Variants in CADPS2 observed in about 807,000 individuals in gnomAD.
The protein encoded by CADPS2 is calcium-dependent secretion activator 2.
In CADPS2, 93 loss-of-function variants were observed where a neutral mutation model predicts 172.5. That is an observed-to-expected ratio of 0.54 (90% CI 0.46 to 0.64). The LOEUF is 0.64. CADPS2 is among the 30% of genes least tolerant of loss of function. The pLI is 0.00. For missense variants in CADPS2, 1,420 were observed against 1,565.9 expected, an observed-to-expected ratio of 0.91 and a Z score of 1.57; for synonymous variants, 546 against 555.2, an observed-to-expected ratio of 0.98 and a Z score of 0.23.
chr7:122,589,026 C>T (rs2070274437), intron 6 of CADPS2, among the ~76,000 whole-genome samples: 3 of 151,996 alleles, frequency 2.0e-5, no homozygotes, highest in Non-Finnish European at 4.4e-5. Flanking sequence ...TGTCTCTGCT[C>T]TTGCAGCTAT....
At chr7:122,360,117 A>C (rs2151125623) in intron 27 of CADPS2, among the ~76,000 whole-genome samples, 1 of 152,324 alleles carries the variant, frequency 6.6e-6, no homozygotes, top group Non-Finnish European at 1.5e-5. Flanking sequence ...TAAATGATTA[A>C]ACAGAACACC....
At chr7:122,455,642 T>C (rs930834121) in intron 14 of CADPS2, among the ~76,000 whole-genome samples, 1 of 152,160 alleles carries the variant, frequency 6.6e-6, no homozygotes, top group African/African-American at 2.4e-5. Flanking sequence ...CATGAATTAG[T>C]AATATGACAA....
chr7:122,842,243 C>T (rs1325978303), intron 1 of CADPS2, among the ~76,000 whole-genome samples: 2 of 152,152 alleles, frequency 1.3e-5, no homozygotes. Flanking sequence ...GGACCAAACT[C>T]GACTACAGCC....
intron 27 of CADPS2, among the ~76,000 whole-genome samples, chr7:122,350,561 A>G (rs960084269): frequency 6.6e-6 from 1 of 152,178 alleles, no homozygotes; most frequent in Non-Finnish European, 1.5e-5. Flanking sequence ...ACAGTTTGCC[A>G]AGTTTTTACA....
chr7:122,582,451 C>T (rs1445510901), intron 6 of CADPS2, among the ~76,000 whole-genome samples: 2 of 150,816 alleles, frequency 1.3e-5, no homozygotes, highest in African/African-American at 4.9e-5. Flanking sequence ...ATATCATAAG[C>T]CAGAGGGAAG....
intron 1 of CADPS2, among the ~76,000 whole-genome samples, chr7:122,782,917 G>T (rs183082773): frequency 6.6e-6 from 1 of 151,578 alleles, no homozygotes; most frequent in African/African-American, 2.4e-5. Context: ...TGACTCTATT[G>T]AATGACTCAT....
chr7:122,705,573 A>G (rs1588586623), intron 2 of CADPS2, among the ~76,000 whole-genome samples: 1 of 115,934 alleles, frequency 8.6e-6, no homozygotes, highest in East Asian at 2.2e-4. Flanking sequence ...TATATTATCT[A>G]TATTATATAT....
intron 7 of CADPS2, among the ~76,000 whole-genome samples, chr7:122,575,009 C>T (rs140199836): frequency 1.8e-3 from 272 of 152,080 alleles, no homozygotes; most frequent in African/African-American, 5.9e-3. Flanking sequence ...TAAGATGCAA[C>T]GGGAAGCACA....
Position 122,319,964 on chromosome 7 carries a change from A to C in CADPS2, c.*201T>G. 2.1e-6 allele frequency: 1 copy of C among 467,514 alleles called. No homozygotes were observed. The highest frequency in any genetic ancestry group is 3.5e-6 in the Non-Finnish European group (1 of 283,866). The allele number at this position is 467,514 out of a possible 1,614,324, so 29.0% of individuals were successfully genotyped here. A position where few individuals can be genotyped will look rare whatever the true frequency, so the allele number is the denominator to read the frequency against. Reference sequence around the variant, plus strand: ...TCTTCTCCAAAAAAACAAACAAACAAACAAACAAAAAAAGGAAACAAAAAA... The same window carrying C: ...TCTTCTCCAAAAAAACAAACAAACACACAAACAAAAAAAGGAAACAAAAAA... On this transcript the variant is annotated 3_prime_UTR_variant, in exon 30 of 30. Transcript: ENST00000449022.
At chr7:122,447,626 T>C (rs77871897) in intron 15 of CADPS2, among the ~76,000 whole-genome samples, 2,495 of 141,700 alleles carry the variant, frequency 0.018, 43 homozygotes, top group East Asian at 0.086. Flanking sequence ...CGATCTCGGC[T>C]CACTGCAGCC....
Position 122,884,918 on chromosome 7 carries a change from A to G in CADPS2, c.339+1081T>C, listed in dbSNP as rs1823913041. 2.0e-5 allele frequency among the ~76,000 whole-genome samples: 3 copies of G among 152,166 alleles called. No homozygotes were observed. The South Asian group carries it at 6.2e-4, about 32-fold the overall frequency. On this transcript the variant is annotated intron_variant, in intron 1 of 29. Coordinates refer to ENST00000449022, the MANE Select transcript of CADPS2 (RefSeq NM_017954.11). ...ACAGTTATAGTTGAAGTCAACTCAAAACCTCTCCAAATTTCTAAAAATGCC... is the reference window on the plus strand; with the variant it reads ...ACAGTTATAGTTGAAGTCAACTCAAGACCTCTCCAAATTTCTAAAAATGCC...
intron 16 of CADPS2, 106 bp from the exon 17 acceptor site, chr7:122,438,570 A>T: frequency 7.6e-7 from 1 of 1,316,908 alleles, no homozygotes; most frequent in South Asian, 1.4e-5. Context: ...AAATTACACA[A>T]ATTGTCCTTG....
At chr7:122,688,910 G>A (rs571432565) in intron 2 of CADPS2, among the ~76,000 whole-genome samples, 284 of 152,184 alleles carry the variant, frequency 1.9e-3, no homozygotes, top group Non-Finnish European at 3.1e-3. Flanking sequence ...CATAAGCTTT[G>A]GTACATAGGC....
intron 25 of CADPS2, among the ~76,000 whole-genome samples, chr7:122,368,875 A>T (rs76707163): frequency 0.011 from 1,664 of 152,080 alleles, 26 homozygotes; most frequent in African/African-American, 0.039. Context: ...GTCAGTTTTT[A>T]AAAAACCCAA....
chr7:122,398,444 A>G (rs1311599427), intron 20 of CADPS2, among the ~76,000 whole-genome samples: 1 of 152,160 alleles, frequency 6.6e-6, no homozygotes, highest in Non-Finnish European at 1.5e-5. Flanking sequence ...ACTTCTCATT[A>G]GGCATTTCAG....
At chr7:122,803,414 G>T (rs1315734844) in intron 1 of CADPS2, among the ~76,000 whole-genome samples, 4 of 152,164 alleles carry the variant, frequency 2.6e-5, no homozygotes, top group African/African-American at 9.7e-5. Context: ...AAGAACAGAA[G>T]AGAGAATGTT....
Position 122,387,482 on chromosome 7 carries a change from CTTAATTGTCTGAA to C in CADPS2, c.3165-322_3165-310del, listed in dbSNP as rs901742627. 2.0e-5 allele frequency among the ~76,000 whole-genome samples: 3 copies of C among 152,130 alleles called. 1 individual carries two copies. The highest frequency in any genetic ancestry group is 2.0e-4 in the Admixed American group (3 of 15,256). On this transcript the variant is annotated intron_variant, in intron 23 of 29. Transcript: ENST00000449022. ...AATGGAAAAAAAACTCATAATTTCA[CTTAATTGTCTGAA>C]TTAATTGTCTGAATTTCCAAGTAGA...
chr7:122,471,488 T>C lies in CADPS2; in HGVS notation c.2073A>G (p.Arg691=), dbSNP rs2055931100. The change falls in exon 14 of 30, where the codon AGA becomes AGG. Residue 691 remains arginine, a synonymous_variant. Transcript: ENST00000449022. ...CARYGVRGCH[R]HLCYLAELME... is the part of the protein sequence containing the mutation. ...TCAGTTCTGCAAGGTAGCAGAGATG[T>C]CTGTGACAGCCTCTCACACCATAAC... is the stretch of plus-strand genomic sequence containing the variant. 1 of 1,613,008 alleles carries C rather than the reference T, an allele frequency of 6.2e-7. No individual in the cohort carries two copies. Among genetic ancestry groups the C allele is most frequent in the Non-Finnish European group, 8.5e-7 (1 of 1,179,488 alleles).
At chr7:122,332,394 C>CTTT (rs35258384) in intron 28 of CADPS2, among the ~76,000 whole-genome samples, 2 of 137,284 alleles carry the variant, frequency 1.5e-5, no homozygotes, top group Non-Finnish European at 1.6e-5. Context: ...TCTTCATCAT[C>CTTT]TTTTTTTTTT....
Sources: allele counts gnomAD v4.1 joint callset (sites outside exome capture counted in the v4.1 genomes callset), GRCh38; gene constraint gnomAD v4.1.1; transcripts MANE v1.5; gene names NCBI Gene and HGNC (gene_info 2026-07-23, HGNC 2026-07-21).